P2RY8: variants seen among roughly 807,000 people sequenced by gnomAD.
P2RY8 encodes S-geranylgeranyl-glutathione receptor P2RY8.
P2RY8 carries 6 observed loss-of-function variants against 10.0 expected under a neutral mutation model. That is an observed-to-expected ratio of 0.60 (90% CI 0.33 to 1.19). P2RY8 has a LOEUF of 1.19. P2RY8 is among the 50% of genes most tolerant of loss of function. The pLI, the probability that P2RY8 is intolerant of heterozygous loss-of-function variation, is 0.04. For missense variants in P2RY8, 456 were observed against 542.0 expected, an observed-to-expected ratio of 0.84 and a Z score of 1.58; for synonymous variants, 276 against 252.5, an observed-to-expected ratio of 1.09 and a Z score of -0.88.
chrX:1,491,479 A>T (rs1377722301), intron 1 of P2RY8, among the ~76,000 whole-genome samples: 1 of 152,260 alleles, frequency 6.6e-6, no homozygotes, highest in Non-Finnish European at 1.5e-5. Flanking sequence ...AATGACGTGT[A>T]GGGTTTTCTC....
At chrX:1,518,549 CCTGT>C (rs1190711273) in intron 1 of P2RY8, among the ~76,000 whole-genome samples, 1 of 151,428 alleles carries the variant, frequency 6.6e-6, no homozygotes, top group Non-Finnish European at 1.5e-5. Flanking sequence ...TCCCCCAAAA[CCTGT>C]CTGTTTCCCC....
intron 1 of P2RY8, among the ~76,000 whole-genome samples, chrX:1,528,033 T>G (rs1458827716): frequency 1.3e-5 from 2 of 152,130 alleles, no homozygotes; most frequent in African/African-American, 4.8e-5. Context: ...CTGTCCTGAG[T>G]GCAGGAGTAG....
intron 1 of P2RY8, among the ~76,000 whole-genome samples, chrX:1,507,266 C>A (rs766805352): frequency 2.0e-5 from 3 of 152,230 alleles, no homozygotes; most frequent in African/African-American, 7.2e-5. Flanking sequence ...CTCACTTGCT[C>A]TCTCTGTGCG....
intron 1 of P2RY8, among the ~76,000 whole-genome samples, chrX:1,532,473 AT>A (rs2092485518): frequency 4.3e-4 from 2 of 4,658 alleles, no homozygotes; most frequent in African/African-American, 5.8e-4. Flanking sequence ...ACATATATGT[AT>A]AGATGTATAT....
intron 1 of P2RY8, among the ~76,000 whole-genome samples, chrX:1,533,338 A>AAT (rs1186408344): frequency 1.4e-4 from 21 of 147,734 alleles, no homozygotes; most frequent in Middle Eastern, 3.6e-3. Flanking sequence ...TGCCAAAAAT[A>AAT]ATATATATAT....
chrX:1,498,267 G>C (rs1293879767), intron 1 of P2RY8, among the ~76,000 whole-genome samples: 1 of 151,476 alleles, frequency 6.6e-6, no homozygotes, highest in Non-Finnish European at 1.5e-5. Context: ...TTAGCCGGGT[G>C]TGGTGGCGGG....
intron 1 of P2RY8, among the ~76,000 whole-genome samples, chrX:1,480,466 C>T (rs2091922270): frequency 6.6e-6 from 1 of 151,498 alleles, no homozygotes. Context: ...CCGCTCACTG[C>T]AGCCTCGAAC....
intron 1 of P2RY8, among the ~76,000 whole-genome samples, chrX:1,486,034 C>T (rs1384414458): frequency 6.6e-6 from 1 of 152,090 alleles, no homozygotes; most frequent in Non-Finnish European, 1.5e-5. Context: ...GCCTGGCCAA[C>T]ATGGTGAAAC....
chrX:1,507,752 G>A (rs1448357553), intron 1 of P2RY8, among the ~76,000 whole-genome samples: 12 of 152,244 alleles, frequency 7.9e-5, no homozygotes, highest in African/African-American at 2.9e-4. Flanking sequence ...GCCTGCTTCT[G>A]GGTACACTAC....
intron 1 of P2RY8, among the ~76,000 whole-genome samples, chrX:1,519,995 C>A (rs1192702811): frequency 2.6e-5 from 4 of 151,526 alleles, no homozygotes; most frequent in Non-Finnish European, 5.9e-5. Flanking sequence ...CCAATTATCA[C>A]CTTGGTCCCT....
chrX:1,524,621 CCATT>C (rs2092422421), intron 1 of P2RY8, among the ~76,000 whole-genome samples: 14 of 124,380 alleles, frequency 1.1e-4, no homozygotes, highest in Admixed American at 2.5e-4. Context: ...ATCCATCCAT[CCATT>C]CATCCATCCA....
chrX:1,472,144 C>T (rs373062053), intron 1 of P2RY8, among the ~76,000 whole-genome samples: 2 of 152,136 alleles, frequency 1.3e-5, no homozygotes, highest in East Asian at 3.9e-4. Flanking sequence ...CACACCCTGG[C>T]TGATACTCTC....
chrX:1,474,343 G>GTGGA lies in P2RY8; in HGVS notation c.-24-7765_-24-7762dup, dbSNP rs779596494. 1.9e-3 allele frequency among the ~76,000 whole-genome samples: 234 copies of GTGGA among 120,926 alleles called. 21 individuals are homozygous for GTGGA. Among genetic ancestry groups the GTGGA allele is most frequent in the Middle Eastern group, 4.7e-3 (1 of 212 alleles). 79.3% of individuals were successfully genotyped at this position (120,926 alleles called of 152,430 possible). On this transcript the variant is annotated intron_variant, in intron 1 of 1. Coordinates refer to ENST00000381297, the MANE Select transcript of P2RY8 (RefSeq NM_178129.5). ...GATAGATGAATAGGTGTATGGGTGT[G>GTGGA]TGGATGGATGGATGGATGGATGGAT... is the stretch of plus-strand genomic sequence containing the variant.
chrX:1,483,755 G>C (rs1482005921), intron 1 of P2RY8, among the ~76,000 whole-genome samples: 11 of 152,026 alleles, frequency 7.2e-5, no homozygotes, highest in Admixed American at 1.3e-4. Flanking sequence ...TAGACCCAGA[G>C]CTGAGCTCCC....
chrX:1,507,242 T>G (rs1459049320), intron 1 of P2RY8, among the ~76,000 whole-genome samples: 1 of 151,978 alleles, frequency 6.6e-6, no homozygotes, highest in Non-Finnish European at 1.5e-5. Flanking sequence ...AGAGGCATGA[T>G]CAGGGCAGGC....
intron 1 of P2RY8, among the ~76,000 whole-genome samples, chrX:1,506,406 T>A (rs2092233652): frequency 6.6e-6 from 1 of 152,178 alleles, no homozygotes; most frequent in Non-Finnish European, 1.5e-5. Context: ...TAGACAGAAC[T>A]GGTGTGGCCC....
chrX:1,526,586 G>A (rs1410902085), intron 1 of P2RY8, among the ~76,000 whole-genome samples: 1 of 150,888 alleles, frequency 6.6e-6, no homozygotes, highest in African/African-American at 2.4e-5. Flanking sequence ...ATTCATTTAT[G>A]CCTTTAATCA....
chrX:1,508,563 ATCTC>A (rs1431973542), intron 1 of P2RY8, among the ~76,000 whole-genome samples: 4 of 151,988 alleles, frequency 2.6e-5, no homozygotes, highest in African/African-American at 9.7e-5. Context: ...CCATCTATTT[ATCTC>A]TCTATCTATC....
At chrX:1,489,390 T>A in intron 1 of P2RY8, among the ~76,000 whole-genome samples, 1 of 151,484 alleles carries the variant, frequency 6.6e-6, no homozygotes, top group East Asian at 1.9e-4. Flanking sequence ...GTGGAGGGAA[T>A]GAATGACTGA....
Sources: gnomAD v4.1 joint callset for allele counts (sites outside exome capture counted in the v4.1 genomes callset) on GRCh38, gnomAD v4.1.1 for gene constraint, MANE v1.5 for transcripts, NCBI Gene and HGNC (gene_info 2026-07-23, HGNC 2026-07-21) for gene names.